MLIP: variants seen among roughly 807,000 people sequenced by gnomAD.
MLIP encodes the protein muscular LMNA interacting protein.
Under a neutral mutation model 84.8 loss-of-function variants are expected in MLIP, and 79 were observed. The observed-to-expected ratio is 0.93, with a 90% CI of 0.78 to 1.12. The LOEUF is 1.12. MLIP is among the 50% of genes most tolerant of loss of function. The pLI is 0.00. For synonymous variants in MLIP, 504 were observed against 463.0 expected (o/e 1.09, Z -1.14); for missense variants, 1,257 against 1,160.6 (o/e 1.08, Z -1.21).
chr6:54,139,553 T>C (rs563209902), intron 4 of MLIP, among the ~76,000 whole-genome samples: 1 of 152,266 alleles, frequency 6.6e-6, no homozygotes, highest in African/African-American at 2.4e-5. Flanking sequence ...AGCAGCAATA[T>C]CAAATGCTTT....
At chr6:54,259,034 TG>T (rs1478291029) in intron 13 of MLIP, among the ~76,000 whole-genome samples, 1 of 151,956 alleles carries the variant, frequency 6.6e-6, no homozygotes, top group African/African-American at 2.4e-5. Flanking sequence ...TTAAAATACT[TG>T]CCAAATTAAA....
rs1182184185 is a variant in MLIP, at chr6:54,124,662, G to A, written c.442G>A (p.Gly148Arg). Residue 148 changes from glycine to arginine, a missense_variant, in exon 3 of 14, where the codon GGG becomes AGG. Gly to Arg is a moderately radical substitution (Grantham distance 125, BLOSUM62 -2). Coordinates refer to ENST00000502396, the MANE Select transcript of MLIP (RefSeq NM_001281747.2). ...ATATGTCCTTATTGTGGACTCCGAA[G>A]GGGAAGATGAGGCTGCAAGCAGAAA... is the stretch of plus-strand genomic sequence containing the variant. Reference protein sequence around the residue: ...AEYVLIVDSEGEDEAASRKVE... With the variant: ...AEYVLIVDSEREDEAASRKVE... 1 of 1,614,192 alleles carries A rather than the reference G, an allele frequency of 6.2e-7. No homozygotes were observed. Among genetic ancestry groups the A allele is most frequent in the East Asian group, 2.2e-5 (1 of 44,862 alleles).
chr6:54,073,247 T>C (rs1165084161), intron 1 of MLIP, among the ~76,000 whole-genome samples: 1 of 152,206 alleles, frequency 6.6e-6, no homozygotes, highest in African/African-American at 2.4e-5. Context: ...CACCTTTTTG[T>C]ATCAGCTTTC....
chr6:54,196,506 G>A (rs551841335), intron 10 of MLIP, among the ~76,000 whole-genome samples: 1 of 152,194 alleles, frequency 6.6e-6, no homozygotes, highest in East Asian at 1.9e-4. Context: ...CCCTGCAAAT[G>A]ACATGATCTC....
At chr6:54,032,714 T>G (rs1164290369) in intron 1 of MLIP, among the ~76,000 whole-genome samples, 1 of 152,134 alleles carries the variant, frequency 6.6e-6, no homozygotes, top group Non-Finnish European at 1.5e-5. Context: ...CCATCATGCC[T>G]GGCCAATTTT....
chr6:54,120,751 G>A (rs1029755234), intron 1 of MLIP, among the ~76,000 whole-genome samples: 1 of 151,980 alleles, frequency 6.6e-6, no homozygotes, highest in Non-Finnish European at 1.5e-5. Context: ...TACCTATTAT[G>A]AAGCTTCATG....
chr6:54,138,247 A>T lies in MLIP; in HGVS notation c.2178A>T (p.Ala726=). 6.5e-7 allele frequency: 1 copy of T among 1,535,990 alleles called. No individual in the cohort carries two copies. The highest frequency in any genetic ancestry group is 8.7e-7 in the Non-Finnish European group (1 of 1,146,826). The change falls in exon 4 of 14, where the codon GCA becomes GCT. Residue 726 remains alanine (A), a synonymous_variant. Transcript: ENST00000502396. ...TRTEELISPC[A]LSMSTGPENK... ...CAGAGGAGCTGATTTCACCTTGTGCATTGTCCATGTCAACAGGCCCAGAAA... is the reference window on the plus strand; with the variant it reads ...CAGAGGAGCTGATTTCACCTTGTGCTTTGTCCATGTCAACAGGCCCAGAAA...
chr6:54,194,001 G>A (rs890095106), intron 10 of MLIP, among the ~76,000 whole-genome samples: 2 of 152,050 alleles, frequency 1.3e-5, no homozygotes, highest in Admixed American at 6.6e-5. Flanking sequence ...ATTTCATGCC[G>A]TTACAAAATG....
chr6:54,212,802 A>G (rs1562064565), intron 11 of MLIP, among the ~76,000 whole-genome samples: 1 of 152,244 alleles, frequency 6.6e-6, no homozygotes, highest in Non-Finnish European at 1.5e-5. Context: ...ATGTCTGTGT[A>G]TGCAAAAGAT....
intron 12 of MLIP, among the ~76,000 whole-genome samples, chr6:54,256,981 A>C (rs1177367433): frequency 2.6e-5 from 4 of 152,120 alleles, no homozygotes; most frequent in African/African-American, 9.7e-5. Flanking sequence ...TTTCCTCTCT[A>C]TGAAATCTGT....
chr6:54,255,044 G>C (rs1471401135), intron 12 of MLIP, among the ~76,000 whole-genome samples: 2 of 151,974 alleles, frequency 1.3e-5, no homozygotes, highest in African/African-American at 2.4e-5. Context: ...AGTTATACCA[G>C]CCAGCCCTGA....
intron 1 of MLIP, among the ~76,000 whole-genome samples, chr6:54,032,964 A>G (rs995624756): frequency 2.0e-5 from 3 of 152,214 alleles, no homozygotes; most frequent in Non-Finnish European, 2.9e-5. Flanking sequence ...GATTGTATTG[A>G]TGTCTTACCA....
intron 11 of MLIP, among the ~76,000 whole-genome samples, chr6:54,226,937 T>C (rs913988551): frequency 5.9e-5 from 9 of 152,224 alleles, no homozygotes; most frequent in African/African-American, 2.2e-4. Flanking sequence ...TAGGTCACCT[T>C]AGTTGGAGAA....
intron 1 of MLIP, among the ~76,000 whole-genome samples, chr6:54,096,622 C>G (rs1768233922): frequency 6.6e-6 from 1 of 152,142 alleles, no homozygotes; most frequent in South Asian, 2.1e-4. Flanking sequence ...TCCTAAGCTC[C>G]TTACCCAATT....
At chr6:54,056,623 C>G (rs1437838005) in intron 1 of MLIP, among the ~76,000 whole-genome samples, 1 of 152,082 alleles carries the variant, frequency 6.6e-6, no homozygotes, top group Non-Finnish European at 1.5e-5. Flanking sequence ...CTGAAAAATC[C>G]CCAATCTTCT....
chr6:54,216,872 T>C (rs2150758941), intron 11 of MLIP: 2 of 985,352 alleles, frequency 2.0e-6, no homozygotes, highest in Non-Finnish European at 2.4e-6. Context: ...CATGAGGTTT[T>C]TGTGATGCTG....
At chr6:54,072,081 C>T (rs950511196) in intron 1 of MLIP, among the ~76,000 whole-genome samples, 2 of 152,122 alleles carry the variant, frequency 1.3e-5, no homozygotes, top group African/African-American at 4.8e-5. Flanking sequence ...GTCTTGCATA[C>T]TGATGAAACT....
At chr6:54,165,745 G>A (rs1443086702) in intron 8 of MLIP, among the ~76,000 whole-genome samples, 1 of 151,892 alleles carries the variant, frequency 6.6e-6, no homozygotes, top group Non-Finnish European at 1.5e-5. Context: ...TTCTAGAGAA[G>A]AAAGGGAAAT....
At chr6:54,215,002 A>C (rs1243601739) in intron 11 of MLIP, 17 of 567,280 alleles carry the variant, frequency 3.0e-5, no homozygotes, top group Non-Finnish European at 4.3e-5. Flanking sequence ...AAAGGAGACG[A>C]TATCCCTCCC....
Sources: allele counts gnomAD v4.1 joint callset (sites outside exome capture counted in the v4.1 genomes callset), GRCh38; gene constraint gnomAD v4.1.1; transcripts MANE v1.5; gene names NCBI Gene and HGNC (gene_info 2026-07-23, HGNC 2026-07-21).